HS3ST4: variants seen among roughly 807,000 people sequenced by gnomAD.
HS3ST4 encodes the protein heparan sulfate glucosamine 3-O-sulfotransferase 4.
In HS3ST4, 17 loss-of-function variants were observed where a neutral mutation model predicts 29.2. That is an observed-to-expected ratio of 0.58 (90% CI 0.40 to 0.87). The LOEUF is 0.87. Ranked by LOEUF, HS3ST4 falls within the 40% of genes least tolerant of loss-of-function variation. The probability of loss-of-function intolerance (pLI) is 0.00; values close to 1 mark genes in which losing one functional copy is unlikely to be tolerated. For missense variants in HS3ST4, 627 were observed against 634.5 expected, an observed-to-expected ratio of 0.99 and a Z score of 0.13; for synonymous variants, 314 against 285.7, an observed-to-expected ratio of 1.10 and a Z score of -1.00.
intron 1 of HS3ST4, among the ~76,000 whole-genome samples, chr16:25,751,913 A>G (rs1966723454): frequency 6.6e-6 from 1 of 152,176 alleles, no homozygotes; most frequent in Admixed American, 6.5e-5. Flanking sequence ...GTTGTTGTAC[A>G]TTAGATTGTT....
At chr16:25,811,242 C>T (rs2141628375) in intron 1 of HS3ST4, among the ~76,000 whole-genome samples, 1 of 152,108 alleles carries the variant, frequency 6.6e-6, no homozygotes, top group South Asian at 2.1e-4. Flanking sequence ...TCCACCTCTT[C>T]CACCTCTGTC....
intron 1 of HS3ST4, among the ~76,000 whole-genome samples, chr16:25,949,367 C>G (rs1968661682): frequency 6.6e-6 from 1 of 152,166 alleles, no homozygotes; most frequent in Admixed American, 6.6e-5. Context: ...CACAACAGCT[C>G]CACCACTGCC....
In HS3ST4 at chr16:25,947,485, C is replaced by T. The variant is rs117990514; in HGVS notation, c.735-188127C>T. ...CAGTGCTGCCTCAGATTGTGGACTGCGTTCAGGTCTCATTTATTTGTTTCT... is the reference window on the plus strand; with the variant it reads ...CAGTGCTGCCTCAGATTGTGGACTGTGTTCAGGTCTCATTTATTTGTTTCT... On this transcript the variant is annotated intron_variant, in intron 1 of 1. Transcript: ENST00000331351. Among the ~76,000 whole-genome samples the T allele has an allele frequency of 2.2e-4, 33 of 152,236 alleles. No individual in the cohort carries two copies. In the East Asian group the frequency reaches 5.2e-3, roughly 24 times the overall value.
intron 1 of HS3ST4, among the ~76,000 whole-genome samples, chr16:25,745,626 G>A (rs1184988480): frequency 6.6e-6 from 1 of 152,010 alleles, no homozygotes; most frequent in African/African-American, 2.4e-5. Flanking sequence ...AACCATCAGG[G>A]CATAAAACAT....
At position 26,037,451 on chromosome 16, in the gene HS3ST4, G is replaced by A. The variant is rs189934479; in HGVS notation, c.735-98161G>A. Among the ~76,000 whole-genome samples the A allele has an allele frequency of 8.5e-5, 13 of 152,274 alleles. No individual in the cohort carries two copies. In the East Asian group the frequency reaches 1.7e-3, roughly 20 times the overall value. On this transcript the variant is annotated intron_variant, in intron 1 of 1. Coordinates refer to ENST00000331351, the MANE Select transcript of HS3ST4 (RefSeq NM_006040.3). Reference sequence around the variant, plus strand: ...AGTGTTGTGTTGTACTCACACACTCGGAAAAAGCAACTCAGAGTAAGAGAT... The same window carrying A: ...AGTGTTGTGTTGTACTCACACACTCAGAAAAAGCAACTCAGAGTAAGAGAT...
intron 1 of HS3ST4, among the ~76,000 whole-genome samples, chr16:25,872,504 C>T (rs1358104056): frequency 6.6e-6 from 1 of 152,186 alleles, no homozygotes; most frequent in African/African-American, 2.4e-5. Context: ...AGGATGGTCC[C>T]ATTCATGTTT....
chr16:25,699,872 G>A (rs1369879789), intron 1 of HS3ST4, among the ~76,000 whole-genome samples: 4 of 152,122 alleles, frequency 2.6e-5, no homozygotes, highest in East Asian at 1.9e-4. Flanking sequence ...AGGATGACAC[G>A]AAATGGCATT....
intron 1 of HS3ST4, among the ~76,000 whole-genome samples, chr16:26,051,868 GCCTCCCTCCCTGCCTC>G (rs1344965650): frequency 3.2e-5 from 3 of 93,544 alleles, no homozygotes; most frequent in East Asian, 2.6e-4. Flanking sequence ...CTCCTTCCCT[GCCTCCCTCCCTGCCTC>G]CCTCCCTCCC....
chr16:25,936,288 C>T (rs754538865), intron 1 of HS3ST4, among the ~76,000 whole-genome samples: 1 of 152,096 alleles, frequency 6.6e-6, no homozygotes, highest in African/African-American at 2.4e-5. Flanking sequence ...TTGGTGGGGA[C>T]CTAGAAGGCT....
At chr16:25,788,259 A>C (rs1445766449) in intron 1 of HS3ST4, among the ~76,000 whole-genome samples, 1 of 150,110 alleles carries the variant, frequency 6.7e-6, no homozygotes, top group Non-Finnish European at 1.5e-5. Flanking sequence ...CTAAAAATAC[A>C]AAAAAAATAG....
At chr16:25,732,656 T>C (rs1436117836) in intron 1 of HS3ST4, among the ~76,000 whole-genome samples, 1 of 152,192 alleles carries the variant, frequency 6.6e-6, no homozygotes, top group Non-Finnish European at 1.5e-5. Context: ...CATCTTATCA[T>C]GCAGTCTTGA....
intron 1 of HS3ST4, among the ~76,000 whole-genome samples, chr16:25,755,043 C>T (rs1966748229): frequency 1.3e-5 from 2 of 151,990 alleles, no homozygotes; most frequent in South Asian, 4.2e-4. Flanking sequence ...CACCCATCCA[C>T]CCACCTATCC....
At chr16:26,129,038 T>C (rs754140095) in intron 1 of HS3ST4, among the ~76,000 whole-genome samples, 21 of 152,318 alleles carry the variant, frequency 1.4e-4, no homozygotes, top group Admixed American at 2.0e-4. Flanking sequence ...CAAGCTCCAC[T>C]CCTGACCCTT....
At chr16:25,819,804 G>A (rs887196862) in intron 1 of HS3ST4, among the ~76,000 whole-genome samples, 1 of 151,708 alleles carries the variant, frequency 6.6e-6, no homozygotes, top group East Asian at 1.9e-4. Context: ...CCATTAAGAG[G>A]AAAGGATTTC....
At chr16:26,037,686 A>AT (rs1969596161) in intron 1 of HS3ST4, among the ~76,000 whole-genome samples, 2 of 152,088 alleles carry the variant, frequency 1.3e-5, no homozygotes, top group Non-Finnish European at 2.9e-5. Flanking sequence ...TTGCTTTATA[A>AT]TTTTCAGGTA....
intron 1 of HS3ST4, among the ~76,000 whole-genome samples, chr16:25,916,431 C>T (rs1307920092): frequency 6.6e-6 from 1 of 151,730 alleles, no homozygotes; most frequent in East Asian, 1.9e-4. Context: ...GGCACTATCT[C>T]GGCTCACTGC....
At chr16:25,716,243 G>A (rs561575262) in intron 1 of HS3ST4, among the ~76,000 whole-genome samples, 40 of 152,250 alleles carry the variant, frequency 2.6e-4, no homozygotes, top group African/African-American at 8.4e-4. Context: ...TTCTCTTTTC[G>A]CTGTCTTGCT....
At chr16:25,903,403 C>T (rs1167440467) in intron 1 of HS3ST4, among the ~76,000 whole-genome samples, 3 of 128,200 alleles carry the variant, frequency 2.3e-5, no homozygotes, top group African/African-American at 8.5e-5. Flanking sequence ...ATCACACACA[C>T]ACACAATTTG....
intron 1 of HS3ST4, among the ~76,000 whole-genome samples, chr16:26,027,943 A>G (rs1969491631): frequency 6.6e-6 from 1 of 152,178 alleles, no homozygotes; most frequent in Non-Finnish European, 1.5e-5. Flanking sequence ...CAATCTGGAA[A>G]ACAAAGAGTC....
Sources: allele counts gnomAD v4.1 joint callset (sites outside exome capture counted in the v4.1 genomes callset), GRCh38; gene constraint gnomAD v4.1.1; transcripts MANE v1.5; gene names NCBI Gene and HGNC (gene_info 2026-07-23, HGNC 2026-07-21).